Variants in LRP4 observed in about 807,000 individuals in gnomAD.
LRP4 encodes the protein LDL receptor related protein 4, also known as low-density lipoprotein receptor-related protein 4.
A neutral mutation model predicts 220.3 loss-of-function variants in LRP4; 95 were observed. That is an observed-to-expected ratio of 0.43 (90% CI 0.37 to 0.51). LRP4 has a LOEUF of 0.51. LRP4 is among the 20% of genes least tolerant of loss of function. The pLI, the probability that LRP4 is intolerant of heterozygous loss-of-function variation, is 0.00. For synonymous variants in LRP4, 903 were observed against 954.6 expected (o/e 0.95, Z 1.00); for missense variants, 1,925 against 2,567.0 (o/e 0.75, Z 5.40).
chr11:46,889,983 T>C lies in LRP4; in HGVS notation c.2053A>G (p.Met685Val). The C allele has an allele frequency of 6.2e-7, 1 of 1,614,136 alleles. No homozygotes were observed. The highest frequency in any genetic ancestry group is 8.5e-7 in the Non-Finnish European group (1 of 1,180,032). ...EIIRNKLHFP[M>V]DIHTLHPQRQ... ...TGGGGGTGCAAGGTGTGGATGTCCATAGGGAAGTGGAGTTTGTTGCGAATG... is the reference window on the plus strand; with the variant it reads ...TGGGGGTGCAAGGTGTGGATGTCCACAGGGAAGTGGAGTTTGTTGCGAATG... Residue 685 changes from methionine to valine, a missense_variant, in exon 15 of 38, where the codon ATG (methionine) becomes GTG (valine). By Grantham distance (21) the Met-to-Val change is conservative. Coordinates refer to ENST00000378623, the MANE Select transcript of LRP4 (RefSeq NM_002334.4).
At chr11:46,864,056 A>T (rs1186128512) in intron 36 of LRP4, among the ~76,000 whole-genome samples, 1 of 152,182 alleles carries the variant, frequency 6.6e-6, no homozygotes, top group Non-Finnish European at 1.5e-5. Flanking sequence ...ATTGTAGTAA[A>T]AGGCTGTGTT....
Position 46,859,007 on chromosome 11 carries a change from C to T in LRP4, c.5694G>A (p.Lys1898=). The T allele has an allele frequency of 6.2e-7, 1 of 1,614,082 alleles. No individual in the cohort carries two copies. Among genetic ancestry groups the T allele is most frequent in the East Asian group, 2.2e-5 (1 of 44,868 alleles). The stretch of plus-strand genomic sequence containing the variant: ...TTTAGACCTGGCTCTCTGAGGAGAG[C>T]TTGCGTTCATGTTTCCAGCCCGTGT... ...LPDTGWKHER[K]LSSESQV The change falls in exon 38 of 38, where the codon AAG becomes AAA. Residue 1898 remains lysine, a synonymous_variant. Transcript: ENST00000378623.
chr11:46,898,628 C>G lies in LRP4; in HGVS notation c.726G>C (p.Leu242=). ...CGCAGCGCCAGCCTGCATTGATGCA[C>G]AGGCCACTGTCACACATGAACTCCC... ...RSGEFMCDSG[L]CINAGWRCDG... is the part of the protein sequence containing the mutation. Residue 242 remains leucine (L), a synonymous_variant, in exon 7 of 38, where the codon CTG becomes CTC. Coordinates refer to ENST00000378623, the MANE Select transcript of LRP4 (RefSeq NM_002334.4). 6.2e-7 allele frequency: 1 copy of G among 1,614,198 alleles called. No homozygotes were observed. The highest frequency in any genetic ancestry group is 8.5e-7 in the Non-Finnish European group (1 of 1,180,028).
At chr11:46,896,820 C>T (rs1262411832) in intron 8 of LRP4, 49 bp downstream of exon 8, 5 of 1,613,458 alleles carry the variant, frequency 3.1e-6, no homozygotes, top group Non-Finnish European at 4.2e-6. Context: ...TTCCACCCTT[C>T]CACCCCAACT....
intron 34 of LRP4, among the ~76,000 whole-genome samples, chr11:46,866,855 G>A (rs1039154367): frequency 2.0e-5 from 3 of 152,094 alleles, no homozygotes; most frequent in African/African-American, 7.2e-5. Flanking sequence ...AGGAGGTCGA[G>A]GGTGCAGTGA....
In LRP4 at chr11:46,879,418, C is replaced by A. The variant is rs1021845009; in HGVS notation, c.2815-103G>T. The stretch of plus-strand genomic sequence containing the variant: ...TCAGAAAGCAGCTCTCCCACTAACA[C>A]CTACTGGGTGACCTCCAGTAAGAGC... On this transcript the variant is annotated intron_variant, in intron 20 of 37. Coordinates refer to ENST00000378623, the MANE Select transcript of LRP4 (RefSeq NM_002334.4). The A allele has an allele frequency of 3.5e-6, 4 of 1,153,354 alleles. No homozygotes were observed. The African/African-American group carries it at 6.1e-5, about 17-fold the overall frequency. 71.4% of individuals were successfully genotyped at this position (1,153,354 alleles called of 1,614,324 possible). A position where few individuals can be genotyped will look rare whatever the true frequency, so the allele number is the denominator to read the frequency against.
rs2134839396 is a variant in LRP4, at chr11:46,890,458, A to G, written c.1734T>C (p.Arg578=). The change falls in exon 14 of 38, where the codon CGT becomes CGC. Residue 578 remains arginine, a synonymous_variant. Coordinates refer to ENST00000378623, the MANE Select transcript of LRP4 (RefSeq NM_002334.4). This position sits in a 1 kb window ranked among gnomAD's most constrained non-coding sequence, Gnocchi z 5.3. ...IYWTDWGNTP[R]IEASSMDGSG... The stretch of plus-strand genomic sequence containing the variant: ...AGCCATCCATGCTGGAGGCCTCAAT[A>G]CGGGGGGTGTTGCCCCAGTCTGTCC... The G allele has an allele frequency of 1.2e-6, 2 of 1,614,120 alleles. No individual in the cohort carries two copies. Among genetic ancestry groups the G allele is most frequent in the East Asian group, 4.5e-5 (2 of 44,878 alleles).
chr11:46,888,254 G>A (rs1346762304), intron 16 of LRP4, among the ~76,000 whole-genome samples: 1 of 3,588 alleles, frequency 2.8e-4, no homozygotes. Flanking sequence ...CCCGGGAGGC[G>A]GACAAAAAAA....
At position 46,914,863 on chromosome 11, in the gene LRP4, C is replaced by A. The variant is rs769373093; in HGVS notation, c.52+3465G>T. Among the ~76,000 whole-genome samples the A allele has an allele frequency of 3.0e-4, 46 of 152,086 alleles. 1 individual carries two copies. The highest frequency in any genetic ancestry group is 1.7e-3 in the South Asian group (8 of 4,808). On this transcript the variant is annotated intron_variant, in intron 1 of 37. Coordinates refer to ENST00000378623, the MANE Select transcript of LRP4 (RefSeq NM_002334.4). ...AGTATTTTTTTTTTCTTTAAAGGGG[C>A]AGCAACATAAACAATTTCTCCTATT...
At position 46,879,040 on chromosome 11, in the gene LRP4, T is replaced by TG; in HGVS notation, c.3005-3dup. Reference sequence around the variant, plus strand: ...TCTCCATAGCACATGGTGTAGACACTGGGTAGAGAGGAGGGGATGTTCAAT... The same window carrying TG: ...TCTCCATAGCACATGGTGTAGACACTGGGGTAGAGAGGAGGGGATGTTCAAT... On this transcript the variant is annotated splice_polypyrimidine_tract_variant and splice_region_variant and intron_variant, in intron 21 of 37. Coordinates refer to ENST00000378623, the MANE Select transcript of LRP4 (RefSeq NM_002334.4). 1 of 1,614,032 alleles carries TG rather than the reference T, an allele frequency of 6.2e-7. No individual in the cohort carries two copies. Among genetic ancestry groups the TG allele is most frequent in the Non-Finnish European group, 8.5e-7 (1 of 1,180,006 alleles).
intron 1 of LRP4, among the ~76,000 whole-genome samples, chr11:46,909,830 T>C (rs529540716): frequency 5.3e-4 from 81 of 152,158 alleles, no homozygotes; most frequent in African/African-American, 1.9e-3. Context: ...AAAGTAGTTA[T>C]TTCCTACCTA....
chr11:46,869,180 A>G, intron 31 of LRP4, 48 bp from the exon 32 acceptor site: 1 of 1,581,544 alleles, frequency 6.3e-7, no homozygotes, highest in East Asian at 2.3e-5. Flanking sequence ...TTCAGCAAGC[A>G]GACTCCTTCC....
chr11:46,882,006 T>C lies in LRP4; in HGVS notation c.2613-103A>G. On this transcript the variant is annotated intron_variant, in intron 19 of 37. Transcript: ENST00000378623. The stretch of plus-strand genomic sequence containing the variant: ...GGTTTCTGCCTGAAGCAGATCCTCA[T>C]CAGCCTCAGCCTCCTGCATCAGTGT... The C allele has an allele frequency of 2.9e-6, 3 of 1,048,836 alleles. No homozygotes were observed. In the Admixed American group the frequency reaches 5.9e-5, roughly 21 times the overall value. The allele number at this position is 1,048,836 out of a possible 1,614,324, so 65.0% of individuals were successfully genotyped here.
chr11:46,860,559 C>T (rs936449932), intron 37 of LRP4, among the ~76,000 whole-genome samples: 16 of 152,190 alleles, frequency 1.1e-4, no homozygotes, highest in Admixed American at 5.2e-4. Context: ...GGATAGTATT[C>T]CTGCCAAGAG....
Position 46,900,164 on chromosome 11 carries a change from CA to C in LRP4, c.316+97del. 6.7e-6 allele frequency: 7 copies of C among 1,051,962 alleles called. 1 individual carries two copies. Among genetic ancestry groups the C allele is most frequent in the African/African-American group, 4.7e-5 (3 of 64,274 alleles). The allele number at this position is 1,051,962 out of a possible 1,614,324, so 65.2% of individuals were successfully genotyped here. A position where few individuals can be genotyped will look rare whatever the true frequency, so the allele number is the denominator to read the frequency against. The stretch of plus-strand genomic sequence containing the variant: ...AAAGGACAGGACAAAGTGCTGAAAA[CA>C]CAAGGGCTCATGTGGACCTGGGGCA... On this transcript the variant is annotated intron_variant, in intron 3 of 37. Transcript: ENST00000378623.
chr11:46,881,672 C>G (rs181438771), intron 20 of LRP4, 30 bp downstream of exon 20: 1 of 1,600,014 alleles, frequency 6.2e-7, no homozygotes, highest in African/African-American at 1.4e-5. Flanking sequence ...TTTAGTGCCA[C>G]CCTTACCTTC....
At chr11:46,863,703 G>A (rs866247426) in intron 36 of LRP4, among the ~76,000 whole-genome samples, 1 of 151,702 alleles carries the variant, frequency 6.6e-6, no homozygotes, top group Non-Finnish European at 1.5e-5. Context: ...AGGTTGCAGA[G>A]AGCCAAGATT....
At chr11:46,872,159 G>A (rs976815224) in intron 30 of LRP4, among the ~76,000 whole-genome samples, 8 of 152,288 alleles carry the variant, frequency 5.3e-5, no homozygotes, top group African/African-American at 1.4e-4. Context: ...GGGAGGCTGC[G>A]GCACGAGAAT....
intron 18 of LRP4, among the ~76,000 whole-genome samples, chr11:46,885,353 G>A (rs901791227): frequency 6.6e-6 from 1 of 152,164 alleles, no homozygotes; most frequent in African/African-American, 2.4e-5. Flanking sequence ...CAACTTCCCA[G>A]ATGATGCTGA....
Sources: allele counts gnomAD v4.1 joint callset (sites outside exome capture counted in the v4.1 genomes callset), GRCh38; gene constraint gnomAD v4.1.1; non-coding constraint Gnocchi (gnomAD v3.1); transcripts MANE v1.5; gene names NCBI Gene and HGNC (gene_info 2026-07-23, HGNC 2026-07-21).